Variants in CYP20A1 observed in about 807,000 individuals in gnomAD.
The protein encoded by CYP20A1 is cytochrome P450 family 20 subfamily A member 1.
A neutral mutation model predicts 61.4 loss-of-function variants in CYP20A1; 61 were observed. The ratio of observed to expected loss-of-function variants is 0.99; its 90% CI spans 0.81 to 1.23. CYP20A1 has a LOEUF of 1.23. Ranked by LOEUF, CYP20A1 falls within the 50% of genes most tolerant of loss-of-function variation. CYP20A1 has a pLI of 0.00. For synonymous variants in CYP20A1, 193 were observed against 188.2 expected (o/e 1.03, Z -0.21); for missense variants, 530 against 542.4 (o/e 0.98, Z 0.23).
At position 203,299,443 on chromosome 2, in the gene CYP20A1, C is replaced by G. The variant is rs985255643; in HGVS notation, c.*2535C>G. Among the ~76,000 whole-genome samples the G allele has an allele frequency of 6.6e-6, 1 of 151,884 alleles. No individual in the cohort carries two copies. The highest frequency in any genetic ancestry group is 2.4e-5 in the African/African-American group (1 of 41,342). Reference sequence around the variant, plus strand: ...CCCTATCTCTTAAAAAAAAAAATCCCTTTGTTGTTGAGTTATTTTATGTCA... The same window carrying G: ...CCCTATCTCTTAAAAAAAAAAATCCGTTTGTTGTTGAGTTATTTTATGTCA... On this transcript the variant is annotated 3_prime_UTR_variant, in exon 13 of 13. Transcript: ENST00000356079.
chr2:203,242,820 C>T (rs564260242), intron 1 of CYP20A1, among the ~76,000 whole-genome samples: 1 of 151,930 alleles, frequency 6.6e-6, no homozygotes, highest in East Asian at 1.9e-4. Context: ...GTTGCATGGT[C>T]TGTTACTATA....
chr2:203,253,541 C>CA (rs1332991573), intron 4 of CYP20A1, among the ~76,000 whole-genome samples: 1 of 152,242 alleles, frequency 6.6e-6, no homozygotes, highest in East Asian at 1.9e-4. Context: ...GATTCACATC[C>CA]AAAAAACTAA....
At chr2:203,288,193 G>C (rs1215496457) in intron 9 of CYP20A1, among the ~76,000 whole-genome samples, 2 of 149,668 alleles carry the variant, frequency 1.3e-5, no homozygotes, top group Non-Finnish European at 1.5e-5. Flanking sequence ...AGCTTTCCAA[G>C]TAGTTGGAAT....
At position 203,258,976 on chromosome 2, in the gene CYP20A1, A is replaced by G. The variant is rs557317609; in HGVS notation, c.432+6867A>G. Among the ~76,000 whole-genome samples, 73 of 152,310 alleles carry G rather than the reference A, an allele frequency of 4.8e-4. 2 individuals are homozygous for G. In the South Asian group the frequency reaches 0.014, roughly 29 times the overall value. On this transcript the variant is annotated intron_variant, in intron 4 of 12. Coordinates refer to ENST00000356079, the MANE Select transcript of CYP20A1 (RefSeq NM_177538.3). ...ATTTCTCTTTGCCTTGCTTTCAATCATGATAGAAGCACCTTTTTCTTTTCA... is the reference window on the plus strand; with the variant it reads ...ATTTCTCTTTGCCTTGCTTTCAATCGTGATAGAAGCACCTTTTTCTTTTCA...
At chr2:203,280,201 GGAGGCTGAGGTGGGAGATTGCTT>G (rs1174119456) in intron 8 of CYP20A1, 88 bp downstream of exon 8, 2 of 1,013,488 alleles carry the variant, frequency 2.0e-6, no homozygotes, top group Non-Finnish European at 1.4e-6. Context: ...CAACACTTGG[GGAGGCTGAGGTGGGAGATTGCTT>G]GAGGCCAGGA....
intron 4 of CYP20A1, among the ~76,000 whole-genome samples, chr2:203,254,159 G>T (rs1264079122): frequency 2.0e-5 from 3 of 151,718 alleles, no homozygotes; most frequent in Non-Finnish European, 4.4e-5. Context: ...TCTTGGCCAG[G>T]CTGGTCTTGA....
intron 4 of CYP20A1, among the ~76,000 whole-genome samples, chr2:203,257,689 T>C (rs1256401106): frequency 6.6e-6 from 1 of 151,632 alleles, no homozygotes; most frequent in Non-Finnish European, 1.5e-5. Flanking sequence ...CTCAGGAGGC[T>C]GAGGCAGGAG....
In CYP20A1 at chr2:203,239,039, C is replaced by G. The variant is rs534126973; in HGVS notation, c.-24C>G. ...TGCTGCTGGAGCGGCCGATCCGAGA[C>G]GTGGCTCCCTGGGCGGCAGAACCAT... On this transcript the variant is annotated 5_prime_UTR_variant, in exon 1 of 13. Coordinates refer to ENST00000356079, the MANE Select transcript of CYP20A1 (RefSeq NM_177538.3). The G allele has an allele frequency of 1.9e-6, 3 of 1,609,674 alleles. No homozygotes were observed. Among genetic ancestry groups the G allele is most frequent in the Admixed American group, 1.7e-5 (1 of 59,998 alleles).
intron 8 of CYP20A1, 106 bp downstream of exon 8, chr2:203,280,219 T>C (rs1363219355): frequency 3.7e-5 from 30 of 804,820 alleles, no homozygotes; most frequent in Non-Finnish European, 4.2e-5. Context: ...AGGTGGGAGA[T>C]TGCTTGAGGC....
At chr2:203,253,343 T>C (rs1422227115) in intron 4 of CYP20A1, among the ~76,000 whole-genome samples, 2 of 152,182 alleles carry the variant, frequency 1.3e-5, no homozygotes, top group Non-Finnish European at 1.5e-5. Flanking sequence ...CTCCCGGCAG[T>C]GCCTGGGGTG....
chr2:203,279,099 G>A (rs547854538), intron 7 of CYP20A1, among the ~76,000 whole-genome samples: 18 of 152,126 alleles, frequency 1.2e-4, no homozygotes, highest in Admixed American at 6.6e-5. Context: ...CAAGTAGCTG[G>A]GACTACAGAC....
Position 203,245,591 on chromosome 2 carries a change from G to A in CYP20A1, c.73-255G>A, listed in dbSNP as rs529966395. 2.7e-3 allele frequency among the ~76,000 whole-genome samples: 414 copies of A among 152,176 alleles called. 3 individuals are homozygous for A. The highest frequency in any genetic ancestry group is 9.3e-3 in the African/African-American group (385 of 41,534). On this transcript the variant is annotated intron_variant, in intron 1 of 12. Coordinates refer to ENST00000356079, the MANE Select transcript of CYP20A1 (RefSeq NM_177538.3). ...CCCCACTTATAAGTGAGAACATGTA[G>A]TATTTGATTTTCTGTACCTGTGTTA...
At chr2:203,294,941 ATTTT>A (rs1167546590) in intron 11 of CYP20A1, among the ~76,000 whole-genome samples, 4 of 45,466 alleles carry the variant, frequency 8.8e-5, no homozygotes, top group Admixed American at 3.6e-4. Context: ...CTTTAAAAAA[ATTTT>A]TTTTTTTTTT....
chr2:203,268,697 A>G (rs1382184815), intron 5 of CYP20A1, among the ~76,000 whole-genome samples: 2 of 151,530 alleles, frequency 1.3e-5, no homozygotes, highest in South Asian at 2.1e-4. Context: ...TATGGGTTAT[A>G]TGTATAATTT....
At position 203,246,875 on chromosome 2, in the gene CYP20A1, G is replaced by C; in HGVS notation, c.243G>C (p.Leu81Phe). ...FWFGRRLVVS[L>F]GTVDVLKQHI... ...TTGGCAGGCGCCTCGTGGTTAGTTT[G>C]GGCACTGTTGATGTACTGAAGCAGC... Residue 81 changes from leucine (L) to phenylalanine (F), a missense_variant, in exon 3 of 13, where the codon TTG (leucine) becomes TTC (phenylalanine). Leu to Phe is a conservative substitution (Grantham distance 22, BLOSUM62 0). Coordinates refer to ENST00000356079, the MANE Select transcript of CYP20A1 (RefSeq NM_177538.3). 1 of 1,614,140 alleles carries C rather than the reference G, an allele frequency of 6.2e-7. No homozygotes were observed. Among genetic ancestry groups the C allele is most frequent in the Non-Finnish European group, 8.5e-7 (1 of 1,180,030 alleles).
chr2:203,266,393 C>G, intron 4 of CYP20A1, 121 bp from the exon 5 acceptor site: 1 of 810,898 alleles, frequency 1.2e-6, no homozygotes, highest in Non-Finnish European at 2.0e-6. Context: ...AGATTCGTAC[C>G]TGAATGTTGA....
At chr2:203,250,881 G>A (rs1209118662) in intron 3 of CYP20A1, among the ~76,000 whole-genome samples, 2 of 151,738 alleles carry the variant, frequency 1.3e-5, no homozygotes, top group Non-Finnish European at 2.9e-5. Context: ...TGGCTAACAC[G>A]GTGAAACCCC....
Position 203,296,648 on chromosome 2 carries a change from TA to T in CYP20A1, c.1238+86del, listed in dbSNP as rs1287484593. Reference sequence around the variant, plus strand: ...TGGGCAATCTGTATGATTAAAGTATTATTTTTTTATTATTATTGTACTTTAA... The same window carrying T: ...TGGGCAATCTGTATGATTAAAGTATTTTTTTTTATTATTATTGTACTTTAA... On this transcript the variant is annotated intron_variant, in intron 12 of 12. Transcript: ENST00000356079. 9.1e-5 allele frequency: 127 copies of T among 1,397,240 alleles called. No homozygotes were observed. The South Asian group carries it at 1.1e-3, about 12-fold the overall frequency. 86.6% of individuals were successfully genotyped at this position (1,397,240 alleles called of 1,614,324 possible).
rs1213394620 is a variant in CYP20A1, at chr2:203,257,316, T to C, written c.432+5207T>C. Among the ~76,000 whole-genome samples the C allele has an allele frequency of 4.2e-4, 61 of 144,990 alleles. No homozygotes were observed. The East Asian group carries it at 0.012, about 29-fold the overall frequency. On this transcript the variant is annotated intron_variant, in intron 4 of 12. Coordinates refer to ENST00000356079, the MANE Select transcript of CYP20A1 (RefSeq NM_177538.3). The stretch of plus-strand genomic sequence containing the variant: ...GCCTAGGCGACTGTGAGACACTGTC[T>C]CAAAAAAAAAAAAAAAAATTCCATT...
Sources: allele counts gnomAD v4.1 joint callset (sites outside exome capture counted in the v4.1 genomes callset), GRCh38; gene constraint gnomAD v4.1.1; transcripts MANE v1.5; gene names NCBI Gene and HGNC (gene_info 2026-07-23, HGNC 2026-07-21).